The following ANKRD17 variants were observed in gnomAD, a reference collection of about 807,000 sequenced individuals.
ANKRD17 encodes the protein ankyrin repeat domain 17, also known as ankyrin repeat domain-containing protein 17.
A neutral mutation model predicts 229.7 loss-of-function variants in ANKRD17; 19 were observed. The observed-to-expected ratio is 0.08, with a 90% CI of 0.06 to 0.12. The LOEUF is 0.12. Among genes scored for constraint, ANKRD17 ranks in the 10% least tolerant of loss-of-function variants. The probability of loss-of-function intolerance (pLI) is 1.00; values close to 1 mark genes in which losing one functional copy is unlikely to be tolerated. For synonymous variants in ANKRD17, 1,112 were observed against 1,146.1 expected (o/e 0.97, Z 0.60); for missense variants, 2,176 against 3,176.8 (o/e 0.68, Z 7.57).
chr4:73,212,764 C>G lies in ANKRD17; in HGVS notation c.394-35231G>C, dbSNP rs1326524727. 2.0e-5 allele frequency among the ~76,000 whole-genome samples: 3 copies of G among 152,094 alleles called. No homozygotes were observed. In the East Asian group the frequency reaches 5.8e-4, roughly 29 times the overall value. Reference sequence around the variant, plus strand: ...AGCACAGTGGCTCACGCCTGTAATACCGGCACTTTGGGAGGCCAAGGCACG... The same window carrying G: ...AGCACAGTGGCTCACGCCTGTAATAGCGGCACTTTGGGAGGCCAAGGCACG... On this transcript the variant is annotated intron_variant, in intron 1 of 33. Coordinates refer to ENST00000358602, the MANE Select transcript of ANKRD17 (RefSeq NM_032217.5).
At chr4:73,228,410 T>A (rs1174931757) in intron 1 of ANKRD17, among the ~76,000 whole-genome samples, 2 of 152,180 alleles carry the variant, frequency 1.3e-5, no homozygotes, top group Non-Finnish European at 2.9e-5. Context: ...TTATTACCAC[T>A]ATAGTTTATT....
chr4:73,247,506 T>C (rs1002510570), intron 1 of ANKRD17, among the ~76,000 whole-genome samples: 11 of 152,046 alleles, frequency 7.2e-5, no homozygotes, highest in African/African-American at 2.7e-4. Context: ...ATTTATATTA[T>C]GGAACATTCA....
intron 1 of ANKRD17, among the ~76,000 whole-genome samples, chr4:73,240,067 T>C (rs765256256): frequency 1.3e-5 from 2 of 152,118 alleles, no homozygotes; most frequent in African/African-American, 2.4e-5. Context: ...CAAAGAACAT[T>C]GGAAAGATAG....
intron 24 of ANKRD17, among the ~76,000 whole-genome samples, chr4:73,109,613 G>A (rs1232663192): frequency 6.6e-6 from 1 of 152,090 alleles, no homozygotes; most frequent in African/African-American, 2.4e-5. Flanking sequence ...ATGAATGGAA[G>A]ACTAAATTAA....
At chr4:73,168,549 C>T (rs571768446) in intron 2 of ANKRD17, among the ~76,000 whole-genome samples, 47 of 152,238 alleles carry the variant, frequency 3.1e-4, no homozygotes, top group African/African-American at 1.1e-3. Context: ...AGGTTTCAGC[C>T]TACAGTCTCT....
intron 2 of ANKRD17, among the ~76,000 whole-genome samples, chr4:73,175,639 A>G (rs1385067412): frequency 6.6e-6 from 1 of 152,232 alleles, no homozygotes; most frequent in Non-Finnish European, 1.5e-5. Context: ...TAGAAAACCC[A>G]GGAATAAATC....
At chr4:73,250,316 T>C (rs1744873923) in intron 1 of ANKRD17, among the ~76,000 whole-genome samples, 1 of 152,028 alleles carries the variant, frequency 6.6e-6, no homozygotes. Flanking sequence ...AAATTGTTTA[T>C]AAAGGCTGCG....
chr4:73,131,408 A>G (rs1414175637), intron 16 of ANKRD17, among the ~76,000 whole-genome samples: 1 of 152,244 alleles, frequency 6.6e-6, no homozygotes, highest in Non-Finnish European at 1.5e-5. Flanking sequence ...CAGAATCATT[A>G]GCATTTTAAA....
chr4:73,215,452 G>T (rs1003114001), intron 1 of ANKRD17, among the ~76,000 whole-genome samples: 1 of 152,090 alleles, frequency 6.6e-6, no homozygotes, highest in Non-Finnish European at 1.5e-5. Flanking sequence ...TAGAGACAGG[G>T]TTTCACCATG....
chr4:73,155,172 G>C (rs1008645231), intron 5 of ANKRD17, among the ~76,000 whole-genome samples: 3 of 151,754 alleles, frequency 2.0e-5, no homozygotes, highest in Non-Finnish European at 4.4e-5. Context: ...ATATATTTTA[G>C]ACTAAAGTTA....
chr4:73,233,589 A>T (rs2149245923), intron 1 of ANKRD17, among the ~76,000 whole-genome samples: 1 of 152,302 alleles, frequency 6.6e-6, no homozygotes, highest in South Asian at 2.1e-4. Flanking sequence ...AGATTGCCAC[A>T]GCAGCTATTT....
At chr4:73,188,284 C>T (rs1031141420) in intron 1 of ANKRD17, among the ~76,000 whole-genome samples, 2 of 151,740 alleles carry the variant, frequency 1.3e-5, no homozygotes, top group South Asian at 2.1e-4. Context: ...TTAGCCATAG[C>T]GATCTTTAAA....
chr4:73,122,364 G>A lies in ANKRD17; in HGVS notation c.3493-605C>T, dbSNP rs187920315. Among the ~76,000 whole-genome samples, 222 of 152,262 alleles carry A rather than the reference G, an allele frequency of 1.5e-3. 2 individuals carry two copies. Among genetic ancestry groups the A allele is most frequent in the African/African-American group, 4.8e-3 (200 of 41,564 alleles). On this transcript the variant is annotated intron_variant, in intron 18 of 33. Coordinates refer to ENST00000358602, the MANE Select transcript of ANKRD17 (RefSeq NM_032217.5). ...TCCCTTCAATAATGCATGAGTTCTA[G>A]TAGCATGAGTCTTGGCAACATCTGT...
chr4:73,151,372 T>C, intron 7 of ANKRD17, 58 bp downstream of exon 7: 1 of 1,503,018 alleles, frequency 6.7e-7, no homozygotes. Context: ...CATTGTATAC[T>C]ACTCTGTCTC....
chr4:73,128,026 A>C (rs1578133674), intron 16 of ANKRD17, among the ~76,000 whole-genome samples: 1 of 152,244 alleles, frequency 6.6e-6, no homozygotes, highest in South Asian at 2.1e-4. Flanking sequence ...AGGGATGGCC[A>C]CAAGGGAGAG....
chr4:73,095,276 C>T (rs992542403), intron 27 of ANKRD17, among the ~76,000 whole-genome samples: 2 of 151,746 alleles, frequency 1.3e-5, no homozygotes, highest in Non-Finnish European at 2.9e-5. Context: ...TAATAATGTC[C>T]GGAAAAAGAA....
chr4:73,243,547 A>G (rs2149266077), intron 1 of ANKRD17, among the ~76,000 whole-genome samples: 1 of 152,344 alleles, frequency 6.6e-6, no homozygotes, highest in Middle Eastern at 3.4e-3. Flanking sequence ...GGCTGGTTCA[A>G]GAATGGACAC....
At chr4:73,137,116 A>G (rs1339226598) in intron 15 of ANKRD17, among the ~76,000 whole-genome samples, 1 of 151,912 alleles carries the variant, frequency 6.6e-6, no homozygotes, top group Non-Finnish European at 1.5e-5. Flanking sequence ...GGTGACTGTC[A>G]ATCACACATC....
intron 2 of ANKRD17, among the ~76,000 whole-genome samples, chr4:73,174,041 G>C (rs1560652157): frequency 6.7e-6 from 1 of 149,664 alleles, no homozygotes; most frequent in African/African-American, 2.5e-5. Flanking sequence ...ACCAAGAAAG[G>C]AGAGGAGGGG....
Sources: gnomAD v4.1 joint callset for allele counts (sites outside exome capture counted in the v4.1 genomes callset) on GRCh38, gnomAD v4.1.1 for gene constraint, MANE v1.5 for transcripts, NCBI Gene and HGNC (gene_info 2026-07-23, HGNC 2026-07-21) for gene names.